Variants in BTN3A2 observed in about 807,000 individuals in gnomAD.
The protein encoded by BTN3A2 is butyrophilin protein.
BTN3A2 carries 25 observed loss-of-function variants against 37.6 expected under a neutral mutation model. The observed-to-expected ratio is 0.66, with a 90% CI of 0.48 to 0.93. The LOEUF (loss-of-function observed/expected upper bound fraction) is 0.93, where lower values mean the gene tolerates loss of function less well. Among genes scored for constraint, BTN3A2 ranks in the 40% least tolerant of loss-of-function variants. The probability of loss-of-function intolerance (pLI) is 0.00; values close to 1 mark genes in which losing one functional copy is unlikely to be tolerated. For synonymous variants in BTN3A2, 122 were observed against 159.4 expected (o/e 0.77, Z 1.77); for missense variants, 266 against 410.9 (o/e 0.65, Z 3.05).
At chr6:26,374,421 C>A in intron 9 of BTN3A2, 48 bp downstream of exon 9, 1 of 1,550,578 alleles carries the variant, frequency 6.4e-7, no homozygotes, top group Non-Finnish European at 8.9e-7. Context: ...TTTTTCTCCA[C>A]TGTGACCCGT....
At chr6:26,373,556 T>A in intron 8 of BTN3A2, 143 bp downstream of exon 8, 1 of 739,590 alleles carries the variant, frequency 1.4e-6, no homozygotes, top group Non-Finnish European at 2.0e-6. Context: ...GTGTGGCTCT[T>A]TGGAGAAACC....
At chr6:26,371,077 A>G (rs1345264110) in intron 5 of BTN3A2, among the ~76,000 whole-genome samples, 1 of 152,136 alleles carries the variant, frequency 6.6e-6, no homozygotes, top group Non-Finnish European at 1.5e-5. Context: ...CTGCCTGGCC[A>G]TGGTGAAACT....
At chr6:26,374,913 T>G (rs1760556380) in intron 10 of BTN3A2, 115 bp downstream of exon 10, 1 of 1,134,782 alleles carries the variant, frequency 8.8e-7, no homozygotes, top group South Asian at 1.5e-5. Flanking sequence ...TTGACTTCCT[T>G]CGTGGGTAGG....
At chr6:26,373,235 A>G (rs748045448) in intron 6 of BTN3A2, 41 bp from the exon 7 acceptor site, 15 of 1,393,166 alleles carry the variant, frequency 1.1e-5, no homozygotes, top group Non-Finnish European at 9.8e-6. Flanking sequence ...ATAACAGTTC[A>G]TCTTTTTTTT....
In BTN3A2 at chr6:26,376,819, G is replaced by C; in HGVS notation, c.*1057G>C. On this transcript the variant is annotated 3_prime_UTR_variant, in exon 11 of 11. Coordinates refer to ENST00000377708, the MANE Select transcript of BTN3A2 (RefSeq NM_007047.5). ...AAGAACGTGGAGAGGAAAAAAGTTT[G>C]GGTCAAAATGACACCGGAGAACGGA... is the stretch of plus-strand genomic sequence containing the variant. 6.2e-7 allele frequency: 1 copy of C among 1,613,924 alleles called. No individual in the cohort carries two copies. The highest frequency in any genetic ancestry group is 1.7e-5 in the Admixed American group (1 of 60,008).
Position 26,368,205 on chromosome 6 carries a change from C to A in BTN3A2, c.23C>A (p.Ala8Asp), listed in dbSNP as rs746420438. 4 of 1,614,238 alleles carry A rather than the reference C, an allele frequency of 2.5e-6. No homozygotes were observed. In the East Asian group the frequency reaches 8.9e-5, roughly 36 times the overall value. MKMASSL[A>D]FLLLNFHVSL... ...TAGATGAAAATGGCAAGTTCCCTGGCTTTCCTTCTGCTCAACTTTCATGTC... is the reference window on the plus strand; with the variant it reads ...TAGATGAAAATGGCAAGTTCCCTGGATTTCCTTCTGCTCAACTTTCATGTC... The change falls in exon 3 of 11, where the codon GCT becomes GAT. Residue 8 changes from alanine to aspartate, a missense_variant. Physicochemically the swap from Ala to Asp is moderately radical, Grantham distance 126. This residue lies in a region of BTN3A2 where 47 missense variants were observed against 77.3 expected (regional missense o/e 0.61). Coordinates refer to ENST00000377708, the MANE Select transcript of BTN3A2 (RefSeq NM_007047.5).
In BTN3A2 at chr6:26,376,485, C is replaced by G. The variant is rs1373450098; in HGVS notation, c.*723C>G. 3 of 1,164,226 alleles carry G rather than the reference C, an allele frequency of 2.6e-6. No individual in the cohort carries two copies. The highest frequency in any genetic ancestry group is 3.5e-6 in the Non-Finnish European group (3 of 862,028). The allele number at this position is 1,164,226 out of a possible 1,614,324, so 72.1% of individuals were successfully genotyped here. A position where few individuals can be genotyped will look rare whatever the true frequency, so the allele number is the denominator to read the frequency against. ...GGACACGGGGTTCTGGAAGGACCTCCTCAGCATGGCCCAAGCCTTGCATGC... is the reference window on the plus strand; with the variant it reads ...GGACACGGGGTTCTGGAAGGACCTCGTCAGCATGGCCCAAGCCTTGCATGC... On this transcript the variant is annotated 3_prime_UTR_variant, in exon 11 of 11. Coordinates refer to ENST00000377708, the MANE Select transcript of BTN3A2 (RefSeq NM_007047.5).
intron 8 of BTN3A2, chr6:26,373,751 T>C: frequency 3.9e-6 from 1 of 257,704 alleles, no homozygotes; most frequent in Non-Finnish European, 7.2e-6. Flanking sequence ...TACTTGTTGT[T>C]TCCCATAATC....
In BTN3A2 at chr6:26,376,014, G is replaced by A. The variant is rs1436987335; in HGVS notation, c.*252G>A. The A allele has an allele frequency of 3.1e-6, 2 of 636,678 alleles. No individual in the cohort carries two copies. The highest frequency in any genetic ancestry group is 1.9e-5 in the African/African-American group (1 of 53,076). The allele number at this position is 636,678 out of a possible 1,614,324, so 39.4% of individuals were successfully genotyped here. A position where few individuals can be genotyped will look rare whatever the true frequency, so the allele number is the denominator to read the frequency against. ...AAGGTCAGGAGATCAAGACCATCCT[G>A]GCTAACACGGTGAAACCCCGTCTCT... On this transcript the variant is annotated 3_prime_UTR_variant, in exon 11 of 11. Coordinates refer to ENST00000377708, the MANE Select transcript of BTN3A2 (RefSeq NM_007047.5).
In BTN3A2 at chr6:26,372,971, G is replaced by A. The variant is rs745427991; in HGVS notation, c.790G>A (p.Ala264Thr). The change falls in exon 6 of 11, where the codon GCC becomes ACC. Residue 264 changes from alanine to threonine, a missense_variant. Ala to Thr is a moderately conservative substitution (Grantham distance 58, BLOSUM62 0). Around this residue, in one of 3 missense-constraint regions of BTN3A2, gnomAD observed 204 missense variants for 232.6 expected, o/e 0.88. Coordinates refer to ENST00000377708, the MANE Select transcript of BTN3A2 (RefSeq NM_007047.5). ...CCTGCCTATCTTGCTGCTGCTTCTCGCCGGAGCCAGTTACTTCTTGTGGAG... is the reference window on the plus strand; with the variant it reads ...CCTGCCTATCTTGCTGCTGCTTCTCACCGGAGCCAGTTACTTCTTGTGGAG... ...GTLPILLLLL[A>T]GASYFLWRQQ... The A allele has an allele frequency of 4.3e-6, 7 of 1,614,198 alleles. No homozygotes were observed. Among genetic ancestry groups the A allele is most frequent in the East Asian group, 2.2e-5 (1 of 44,880 alleles).
At position 26,374,392 on chromosome 6, in the gene BTN3A2, A is replaced by G. The variant is rs1760491925; in HGVS notation, c.*6+19A>G. ...ATGCTCTGTAAGTTTGCTGGGTCAC[A>G]TGCCCTGAATATTTCAACTTTTTCT... On this transcript the variant is annotated intron_variant, in intron 9 of 10. Coordinates refer to ENST00000377708, the MANE Select transcript of BTN3A2 (RefSeq NM_007047.5). 1 of 1,609,880 alleles carries G rather than the reference A, an allele frequency of 6.2e-7. No individual in the cohort carries two copies. The highest frequency in any genetic ancestry group is 1.7e-5 in the Admixed American group (1 of 59,986).
In BTN3A2 at chr6:26,368,258, C is replaced by A. The variant is rs1349462265; in HGVS notation, c.76C>A (p.Pro26Thr). 1 of 1,614,206 alleles carries A rather than the reference C, an allele frequency of 6.2e-7. No individual in the cohort carries two copies. The highest frequency in any genetic ancestry group is 8.5e-7 in the Non-Finnish European group (1 of 1,180,036). The change falls in exon 3 of 11, where the codon CCT (proline) becomes ACT (threonine). Residue 26 changes from proline (P) to threonine (T), a missense_variant. Pro to Thr is a conservative substitution (Grantham distance 38). Around this residue, in one of 3 missense-constraint regions of BTN3A2, gnomAD observed 47 missense variants for 77.3 expected, o/e 0.61. Coordinates refer to ENST00000377708, the MANE Select transcript of BTN3A2 (RefSeq NM_007047.5). ...CCTCCTCTTGGTCCAGCTGCTCACT[C>A]CTTGCTCAGGTAGGGAATGATTCCA... The part of the protein sequence containing the change: ...VSLLLVQLLT[P>T]CSAQFSVLGP...
intron 5 of BTN3A2, among the ~76,000 whole-genome samples, chr6:26,372,166 A>C (rs1391425130): frequency 6.6e-6 from 1 of 152,244 alleles, no homozygotes; most frequent in East Asian, 1.9e-4. Context: ...CAAGATGCAG[A>C]GGGACGTGTA....
chr6:26,366,982 G>C (rs1436162624), intron 1 of BTN3A2, among the ~76,000 whole-genome samples: 1 of 152,162 alleles, frequency 6.6e-6, no homozygotes, highest in African/African-American at 2.4e-5. Context: ...GGAAGCAAAA[G>C]GCCAAAGCGT....
In BTN3A2 at chr6:26,369,369, T is replaced by C. The variant is rs79926277; in HGVS notation, c.433+457T>C. On this transcript the variant is annotated intron_variant, in intron 4 of 10. Coordinates refer to ENST00000377708, the MANE Select transcript of BTN3A2 (RefSeq NM_007047.5). The stretch of plus-strand genomic sequence containing the variant: ...TACTCCTGTAGTAGAACTAGCTGTA[T>C]TTCTTACGTGTTGCAGTGAGGAAGA... 9.6e-3 allele frequency among the ~76,000 whole-genome samples: 1,465 copies of C among 152,300 alleles called. 26 individuals are homozygous for C. Among genetic ancestry groups the C allele is most frequent in the African/African-American group, 0.032 (1,312 of 41,556 alleles).
intron 5 of BTN3A2, 94 bp from the exon 6 acceptor site, chr6:26,372,803 C>A: frequency 6.8e-7 from 1 of 1,469,398 alleles, no homozygotes; most frequent in Non-Finnish European, 9.3e-7. Flanking sequence ...ATTCCCCACC[C>A]CCGACCTGAG....
chr6:26,374,654 C>A (rs2113715902), intron 9 of BTN3A2, 117 bp from the exon 10 acceptor site: 3 of 1,207,778 alleles, frequency 2.5e-6, no homozygotes, highest in Non-Finnish European at 3.5e-6. Flanking sequence ...AGGAGGGAAG[C>A]TGGACCCTGG....
intron 10 of BTN3A2, chr6:26,375,101 G>A (rs1466228715): frequency 6.6e-6 from 2 of 301,320 alleles, no homozygotes; most frequent in Non-Finnish European, 1.2e-5. Flanking sequence ...ATGCTTCCAA[G>A]CTTTGGCCTC....
In BTN3A2 at chr6:26,370,509, T is replaced by A. The variant is rs1280363100; in HGVS notation, c.621T>A (p.Ser207=). ...DGVGLYEVAA[S]VIMRGGSGEG... is the part of the protein sequence containing the mutation. ...TGGGCCTATATGAAGTAGCAGCATCTGTGATCATGAGAGGCGGCTCCGGGG... is the reference window on the plus strand; with the variant it reads ...TGGGCCTATATGAAGTAGCAGCATCAGTGATCATGAGAGGCGGCTCCGGGG... Residue 207 remains serine, a synonymous_variant, in exon 5 of 11, where the codon TCT becomes TCA. Transcript: ENST00000377708. The A allele has an allele frequency of 1.9e-6, 3 of 1,614,210 alleles. No individual in the cohort carries two copies. The highest frequency in any genetic ancestry group is 4.5e-5 in the East Asian group (2 of 44,884).
Sources: gnomAD v4.1 joint callset for allele counts (sites outside exome capture counted in the v4.1 genomes callset) on GRCh38, gnomAD v4.1.1 for gene constraint, gnomAD v4.1.1 regional missense constraint, MANE v1.5 for transcripts, NCBI Gene and HGNC (gene_info 2026-07-23, HGNC 2026-07-21) for gene names.